Variants in FZD6 observed in about 807,000 individuals in gnomAD.
FZD6 encodes frizzled class receptor 6.
A neutral mutation model predicts 61.4 loss-of-function variants in FZD6; 49 were observed. The observed-to-expected ratio is 0.80, with a 90% CI of 0.63 to 1.01. The LOEUF (loss-of-function observed/expected upper bound fraction) is 1.01. FZD6 is among the 50% of genes least tolerant of loss of function. The pLI, the probability that FZD6 is intolerant of heterozygous loss-of-function variation, is 0.00. For missense variants in FZD6, 724 were observed against 848.2 expected (o/e 0.85, Z 1.82); for synonymous variants, 265 against 292.2 (o/e 0.91, Z 0.95).
chr8:103,331,286 GCAT>G, intron 6 of FZD6, 52 bp from the exon 7 acceptor site: 1 of 1,195,840 alleles, frequency 8.4e-7, no homozygotes. Context: ...ATGAAAAATG[GCAT>G]CATATTTGTG....
rs768709636 is a variant in FZD6 at position 103,324,919 on chromosome 8, C to T, written c.813C>T (p.Asp271=). The T allele has an allele frequency of 1.2e-6, 2 of 1,613,900 alleles. No homozygotes were observed. Residue 271 remains aspartate, a synonymous_variant, in exon 4 of 7, where the codon GAC becomes GAT. Coordinates refer to ENST00000358755, the MANE Select transcript of FZD6 (RefSeq NM_003506.4). The part of the protein sequence containing the change: ...NKADEKLELG[D]TVVLGSQNKA... ...CAGATGAGAAGCTAGAACTTGGTGA[C>T]ACTGTTGTCCTAGGCTCTCAAAATA...
Position 103,300,296 on chromosome 8 carries a change from T to G in FZD6, c.177+12T>G. On this transcript the variant is annotated intron_variant, in intron 2 of 6. Coordinates refer to ENST00000358755, the MANE Select transcript of FZD6 (RefSeq NM_003506.4). Reference sequence around the variant, plus strand: ...CGGTGGAAATGGAGGTGAGTAGTGCTTCATACGTTTATTGAATAGTAGTTT... The same window carrying G: ...CGGTGGAAATGGAGGTGAGTAGTGCGTCATACGTTTATTGAATAGTAGTTT... 6.4e-7 allele frequency: 1 copy of G among 1,555,596 alleles called. No homozygotes were observed. The highest frequency in any genetic ancestry group is 8.9e-7 in the Non-Finnish European group (1 of 1,126,468).
At chr8:103,325,609 G>A (rs1814930533) in intron 4 of FZD6, 111 bp downstream of exon 4, 7 of 889,222 alleles carry the variant, frequency 7.9e-6, no homozygotes, top group Non-Finnish European at 1.1e-5. Context: ...GAAAATACAA[G>A]AGCCATAGGT....
At chr8:103,304,177 T>C (rs1814263303) in intron 2 of FZD6, among the ~76,000 whole-genome samples, 1 of 152,228 alleles carries the variant, frequency 6.6e-6, no homozygotes, top group South Asian at 2.1e-4. Flanking sequence ...GGCAATGAAT[T>C]GTACTCTCTT....
intron 2 of FZD6, among the ~76,000 whole-genome samples, chr8:103,301,481 AAT>A (rs1487127531): frequency 2.0e-5 from 3 of 152,176 alleles, no homozygotes; most frequent in Admixed American, 1.3e-4. Context: ...TGCTGATGAT[AAT>A]ATGTTTTGTA....
chr8:103,318,713 A>C lies in FZD6; in HGVS notation c.301A>C (p.Lys101Gln). 1 of 1,610,840 alleles carries C rather than the reference A, an allele frequency of 6.2e-7. No individual in the cohort carries two copies. The highest frequency in any genetic ancestry group is 8.5e-7 in the Non-Finnish European group (1 of 1,177,056). Residue 101 changes from lysine to glutamine, a missense_variant, in exon 3 of 7, where the codon AAA becomes CAA. Coordinates refer to ENST00000358755, the MANE Select transcript of FZD6 (RefSeq NM_003506.4). ...TCCACCTTGTCGTAAACTTTGTGAG[A>C]AAGTATATTCTGATTGCAAAAAATT... ...VVPPCRKLCE[K>Q]VYSDCKKLID...
rs1250627087 is a variant in FZD6 at position 103,332,381 on chromosome 8, C to A, written c.*872C>A. 6.6e-6 allele frequency: 1 copy of A among 152,142 alleles called. No individual in the cohort carries two copies. The highest frequency in any genetic ancestry group is 2.4e-5 in the African/African-American group (1 of 41,448). The allele number at this position is 152,142 out of a possible 1,614,324, so 9.4% of individuals were successfully genotyped here. A position where few individuals can be genotyped will look rare whatever the true frequency, so the allele number is the denominator to read the frequency against. On this transcript the variant is annotated 3_prime_UTR_variant, in exon 7 of 7. Coordinates refer to ENST00000358755, the MANE Select transcript of FZD6 (RefSeq NM_003506.4). ...CCATTGATTGTATTATAACCACTTACAGTTGCTTATATTTTTTGTTTTAAC... is the reference window on the plus strand; with the variant it reads ...CCATTGATTGTATTATAACCACTTAAAGTTGCTTATATTTTTTGTTTTAAC...
At chr8:103,330,682 A>G (rs1815095064) in intron 6 of FZD6, among the ~76,000 whole-genome samples, 1 of 152,292 alleles carries the variant, frequency 6.6e-6, no homozygotes. Flanking sequence ...TAACCTTCTC[A>G]ATGGGAGAGC....
Position 103,325,429 on chromosome 8 carries a change from CAGGATTACCT to C in FZD6, c.1324_1333del (p.Arg442GlyfsTer3). ...GATGTTACGTCTATGAGCAAGTGAA[CAGGATTACCT>C]GGGAGATAACTTGGGTCTCTGATCA... On this transcript the variant is annotated frameshift_variant, in exon 4 of 7. Coordinates refer to ENST00000358755, the MANE Select transcript of FZD6 (RefSeq NM_003506.4). LOFTEE classifies it high-confidence loss of function. 1 of 1,613,472 alleles carries C rather than the reference CAGGATTACCT, an allele frequency of 6.2e-7. No homozygotes were observed. The highest frequency in any genetic ancestry group is 8.5e-7 in the Non-Finnish European group (1 of 1,179,444).
chr8:103,325,565 A>G (rs531164438), intron 4 of FZD6, 67 bp downstream of exon 4: 4 of 1,280,968 alleles, frequency 3.1e-6, no homozygotes, highest in Non-Finnish European at 4.5e-6. Context: ...ATGGAAATAT[A>G]CTTGTCATGG....
intron 2 of FZD6, among the ~76,000 whole-genome samples, chr8:103,309,910 T>C (rs1453293404): frequency 6.6e-6 from 1 of 152,206 alleles, no homozygotes; most frequent in Non-Finnish European, 1.5e-5. Context: ...TACAACTAGT[T>C]TGTAGGTCTT....
intron 2 of FZD6, among the ~76,000 whole-genome samples, chr8:103,308,559 G>C (rs1240516392): frequency 6.6e-6 from 1 of 152,160 alleles, no homozygotes; most frequent in East Asian, 1.9e-4. Flanking sequence ...GCCAGCTATT[G>C]TAAGCCAGGC....
At chr8:103,304,352 G>C (rs1814268771) in intron 2 of FZD6, among the ~76,000 whole-genome samples, 1 of 152,142 alleles carries the variant, frequency 6.6e-6, no homozygotes, top group Admixed American at 6.5e-5. Context: ...TTAAACTTTA[G>C]TTCATAGACC....
rs368662779 is a variant in FZD6, at chr8:103,325,489, T to C, written c.1383T>C (p.Cys461=). The change falls in exon 4 of 7, where the codon TGT becomes TGC. Residue 461 remains cysteine, a synonymous_variant. Transcript: ENST00000358755. ...ATTGTCGTCAGTACCATATCCCATG[T>C]CCTTATCAGGTAAAAGCTATCACTT... ...SDHCRQYHIP[C]PYQAKAKARP... 41 of 1,608,902 alleles carry C rather than the reference T, an allele frequency of 2.5e-5. No homozygotes were observed. In the African/African-American group the frequency reaches 5.2e-4, roughly 20 times the overall value.
rs917870942 is a variant in FZD6 at position 103,332,735 on chromosome 8, G to A, written c.*1226G>A. ...TTTTCTCTATTTAGCATTCTGTTAA[G>A]GCACAAAAACTATGTACTGTATGGG... On this transcript the variant is annotated 3_prime_UTR_variant, in exon 7 of 7. Coordinates refer to ENST00000358755, the MANE Select transcript of FZD6 (RefSeq NM_003506.4). 8 of 152,410 alleles carry A rather than the reference G, an allele frequency of 5.2e-5. No individual in the cohort carries two copies. The highest frequency in any genetic ancestry group is 1.9e-4 in the African/African-American group (8 of 41,376). The allele number at this position is 152,410 out of a possible 1,614,324, so 9.4% of individuals were successfully genotyped here. A position where few individuals can be genotyped will look rare whatever the true frequency, so the allele number is the denominator to read the frequency against.
At chr8:103,302,158 A>T (rs1486775490) in intron 2 of FZD6, among the ~76,000 whole-genome samples, 2 of 152,196 alleles carry the variant, frequency 1.3e-5, no homozygotes, top group African/African-American at 4.8e-5. Flanking sequence ...GAGAAATGAA[A>T]AGGCAAAAAT....
chr8:103,329,212 C>T (rs2130344348), intron 5 of FZD6, among the ~76,000 whole-genome samples: 1 of 151,102 alleles, frequency 6.6e-6, no homozygotes, highest in South Asian at 2.1e-4. Context: ...TATACTCACA[C>T]TAATTTCAGT....
At chr8:103,307,507 A>C (rs1034805400) in intron 2 of FZD6, among the ~76,000 whole-genome samples, 1 of 151,918 alleles carries the variant, frequency 6.6e-6, no homozygotes, top group African/African-American at 2.4e-5. Flanking sequence ...AAAACAACCT[A>C]TCTGTTTTTG....
Position 103,325,468 on chromosome 8 carries a change from T to A in FZD6, c.1362T>A (p.Cys454Ter), listed in dbSNP as rs764886770. Residue 454 changes from cysteine (C) to a stop codon, truncating the protein, a stop_gained, in exon 4 of 7, where the codon TGT (cysteine) becomes TGA (stop). Coordinates refer to ENST00000358755, the MANE Select transcript of FZD6 (RefSeq NM_003506.4). LOFTEE classifies it high-confidence loss of function. ...TWEITWVSDH[C>*]RQYHIPCPYQ... is the part of the protein sequence containing the mutation. Reference sequence around the variant, plus strand: ...AGATAACTTGGGTCTCTGATCATTGTCGTCAGTACCATATCCCATGTCCTT... The same window carrying A: ...AGATAACTTGGGTCTCTGATCATTGACGTCAGTACCATATCCCATGTCCTT... The A allele has an allele frequency of 6.2e-7, 1 of 1,613,220 alleles. No homozygotes were observed. The highest frequency in any genetic ancestry group is 8.5e-7 in the Non-Finnish European group (1 of 1,179,254).
Sources: allele counts gnomAD v4.1 joint callset (sites outside exome capture counted in the v4.1 genomes callset), GRCh38; gene constraint gnomAD v4.1.1; transcripts MANE v1.5; gene names NCBI Gene and HGNC (gene_info 2026-07-23, HGNC 2026-07-21).